The following NBEA variants were observed in gnomAD, a reference collection of about 807,000 sequenced individuals.
NBEA encodes the protein lysosomal-trafficking regulator 2.
Under a neutral mutation model 343.4 loss-of-function variants are expected in NBEA, and 44 were observed. The ratio of observed to expected loss-of-function variants is 0.13; its 90% CI spans 0.10 to 0.16. The LOEUF is 0.16. Among genes scored for constraint, NBEA ranks in the 10% least tolerant of loss-of-function variants. The pLI is 1.00. For synonymous variants in NBEA, 1,175 were observed against 1,238.7 expected (o/e 0.95, Z 1.08); for missense variants, 2,555 against 3,631.3 (o/e 0.70, Z 7.62).
intron 33 of NBEA, among the ~76,000 whole-genome samples, chr13:35,224,448 G>T (rs1308104636): frequency 6.6e-6 from 1 of 151,990 alleles, no homozygotes; most frequent in African/African-American, 2.4e-5. Context: ...GTTTGAGTGT[G>T]TATATATTCT....
At chr13:35,125,892 G>A (rs1377343959) in intron 17 of NBEA, among the ~76,000 whole-genome samples, 1 of 152,056 alleles carries the variant, frequency 6.6e-6, no homozygotes, top group Non-Finnish European at 1.5e-5. Context: ...AACAGAATTT[G>A]GAGAAGTAAT....
At chr13:35,362,099 G>A (rs528750931) in intron 38 of NBEA, among the ~76,000 whole-genome samples, 59 of 151,998 alleles carry the variant, frequency 3.9e-4, no homozygotes, top group Middle Eastern at 3.4e-3. Flanking sequence ...AGGTTTTATA[G>A]GTGATTATTC....
intron 40 of NBEA, among the ~76,000 whole-genome samples, chr13:35,467,331 G>A (rs974009168): frequency 2.6e-5 from 4 of 152,062 alleles, no homozygotes; most frequent in Admixed American, 2.0e-4. Context: ...AATTAGCTGG[G>A]CATGGTGGTA....
intron 34 of NBEA, among the ~76,000 whole-genome samples, chr13:35,268,811 A>G (rs2033898410): frequency 6.6e-6 from 1 of 152,224 alleles, no homozygotes; most frequent in East Asian, 1.9e-4. Context: ...CAGAAGAAAA[A>G]TCACATCACT....
intron 35 of NBEA, among the ~76,000 whole-genome samples, chr13:35,298,163 T>TA (rs1327783136): frequency 1.4e-5 from 2 of 148,130 alleles, no homozygotes; most frequent in Non-Finnish European, 3.0e-5. Context: ...TATATATAGA[T>TA]ACATAGCCAG....
chr13:35,654,302 C>T (rs535910194), intron 53 of NBEA, among the ~76,000 whole-genome samples: 8 of 152,308 alleles, frequency 5.3e-5, no homozygotes, highest in African/African-American at 1.9e-4. Flanking sequence ...TCTGGAAAGG[C>T]CTTCTGTCTG....
At chr13:35,074,249 T>C (rs2064009089) in intron 10 of NBEA, among the ~76,000 whole-genome samples, 1 of 152,168 alleles carries the variant, frequency 6.6e-6, no homozygotes, top group Admixed American at 6.6e-5. Context: ...TCCTTTGAAT[T>C]GGATGATTAT....
intron 36 of NBEA, among the ~76,000 whole-genome samples, chr13:35,313,896 G>A (rs2037533602): frequency 6.6e-6 from 1 of 152,174 alleles, no homozygotes; most frequent in African/African-American, 2.4e-5. Context: ...GGGAAAGATA[G>A]AGTGGTTGCT....
chr13:35,341,301 A>G (rs2039569690), intron 36 of NBEA, among the ~76,000 whole-genome samples: 1 of 152,090 alleles, frequency 6.6e-6, no homozygotes, highest in Non-Finnish European at 1.5e-5. Context: ...AACTATTAGA[A>G]GGAAACATAG....
intron 39 of NBEA, among the ~76,000 whole-genome samples, chr13:35,434,830 T>G (rs187224613): frequency 6.6e-6 from 1 of 152,248 alleles, no homozygotes; most frequent in East Asian, 1.9e-4. Context: ...ATAGAAAATA[T>G]CTCTTCAGAA....
intron 11 of NBEA, 134 bp downstream of exon 11, chr13:35,098,539 C>G: frequency 1.8e-6 from 1 of 558,762 alleles, no homozygotes; most frequent in Non-Finnish European, 3.1e-6. Context: ...TCACAAACGT[C>G]TTAGATTTAA....
chr13:35,242,301 C>T (rs567045484), intron 34 of NBEA, among the ~76,000 whole-genome samples: 4 of 151,862 alleles, frequency 2.6e-5, no homozygotes, highest in East Asian at 1.9e-4. Context: ...CAAGAGTAGA[C>T]TCAATTAGAC....
Position 35,151,543 on chromosome 13 carries a change from C to CAA in NBEA, c.2446-4214_2446-4213dup, listed in dbSNP as rs35047334. On this transcript the variant is annotated intron_variant, in intron 18 of 58. Coordinates refer to ENST00000379939, the MANE Select transcript of NBEA (RefSeq NM_001385012.1). ...GAGCAAGAAGAGCAAAACTCTGTCT[C>CAA]AAAAAAAAAAAAAAAAAATTAAGGC... Among the ~76,000 whole-genome samples the CAA allele has an allele frequency of 7.0e-3, 655 of 94,154 alleles. 5 individuals are homozygous for CAA. The highest frequency in any genetic ancestry group is 0.02 in the African/African-American group (497 of 24,456). 61.8% of individuals were successfully genotyped at this position (94,154 alleles called of 152,430 possible).
chr13:35,127,521 A>C (rs567161730), intron 17 of NBEA, among the ~76,000 whole-genome samples: 3 of 152,322 alleles, frequency 2.0e-5, no homozygotes, highest in African/African-American at 7.2e-5. Context: ...ACCGTAATGA[A>C]TTGGGAGGGG....
At chr13:35,237,225 A>G (rs2075280751) in intron 34 of NBEA, among the ~76,000 whole-genome samples, 1 of 152,114 alleles carries the variant, frequency 6.6e-6, no homozygotes, top group South Asian at 2.1e-4. Context: ...ACTGCACTCC[A>G]GCCTGGGCAC....
chr13:34,962,137 G>A (rs1452771332), intron 1 of NBEA, among the ~76,000 whole-genome samples: 6 of 151,972 alleles, frequency 3.9e-5, no homozygotes, highest in Middle Eastern at 3.4e-3. Flanking sequence ...TGTGACTTGC[G>A]CTGTATTTTT....
At chr13:35,374,707 T>C (rs563910944) in intron 38 of NBEA, among the ~76,000 whole-genome samples, 47 of 152,300 alleles carry the variant, frequency 3.1e-4, no homozygotes, top group African/African-American at 1.1e-3. Flanking sequence ...TACTGTCTTA[T>C]TTTTCTAGTT....
At chr13:35,199,933 A>T (rs558958675) in intron 31 of NBEA, among the ~76,000 whole-genome samples, 2 of 152,164 alleles carry the variant, frequency 1.3e-5, no homozygotes, top group African/African-American at 4.8e-5. Flanking sequence ...ATCTTTGATT[A>T]TACTCAGTGA....
intron 41 of NBEA, among the ~76,000 whole-genome samples, chr13:35,481,636 G>A (rs2076125749): frequency 1.3e-5 from 2 of 151,678 alleles, no homozygotes; most frequent in Non-Finnish European, 3.0e-5. Flanking sequence ...CCTTCAGAAA[G>A]TTACTATTAT....
Sources: gnomAD v4.1 joint callset for allele counts (sites outside exome capture counted in the v4.1 genomes callset) on GRCh38, gnomAD v4.1.1 for gene constraint, MANE v1.5 for transcripts, NCBI Gene and HGNC (gene_info 2026-07-23, HGNC 2026-07-21) for gene names.